The following BRD1 variants were observed in gnomAD, a reference collection of about 807,000 sequenced individuals.
BRD1 encodes bromodomain-containing protein 1.
Under a neutral mutation model 107.7 loss-of-function variants are expected in BRD1, and 24 were observed. The ratio of observed to expected loss-of-function variants is 0.22; its 90% CI spans 0.16 to 0.31. The LOEUF is 0.31. BRD1 is among the 10% of genes least tolerant of loss of function. The pLI is 1.00. For missense variants in BRD1, 1,279 were observed against 1,638.6 expected (o/e 0.78, Z 3.79); for synonymous variants, 744 against 686.1 (o/e 1.08, Z -1.32).
At chr22:49,801,209 A>G (rs935446051) in intron 3 of BRD1, among the ~76,000 whole-genome samples, 2 of 152,234 alleles carry the variant, frequency 1.3e-5, no homozygotes, top group African/African-American at 4.8e-5. Context: ...ACCAGCATAC[A>G]CACAAATCGC....
At chr22:49,807,543 G>A (rs1400938638) in intron 2 of BRD1, among the ~76,000 whole-genome samples, 2 of 152,324 alleles carry the variant, frequency 1.3e-5, no homozygotes, top group Middle Eastern at 6.8e-3. Context: ...GATGGCACCA[G>A]GACAAGTGGA....
At chr22:49,811,337 A>G (rs2059845130) in intron 2 of BRD1, among the ~76,000 whole-genome samples, 1 of 152,114 alleles carries the variant, frequency 6.6e-6, no homozygotes, top group Admixed American at 6.5e-5. Context: ...GTGGTGATAA[A>G]TGCACAACTC....
chr22:49,794,026 T>G lies in BRD1; in HGVS notation c.2359+8A>C. 1 of 1,608,526 alleles carries G rather than the reference T, an allele frequency of 6.2e-7. No homozygotes were observed. The highest frequency in any genetic ancestry group is 8.5e-7 in the Non-Finnish European group (1 of 1,177,202). ...CAAGAAAGCGGGGCAGCCCTCACCG[T>G]GGCTTACCTTCCTCGCCCGCCTCCG... On this transcript the variant is annotated splice_region_variant and intron_variant, in intron 7 of 12. Transcript: ENST00000404760.
intron 12 of BRD1, among the ~76,000 whole-genome samples, chr22:49,774,867 A>C (rs2146892968): frequency 6.6e-6 from 1 of 152,362 alleles, no homozygotes; most frequent in South Asian, 2.1e-4. Context: ...AGGAAGAGAA[A>C]GACGGTAGGG....
Position 49,776,073 on chromosome 22 carries a change from C to T in BRD1, c.3208G>A (p.Gly1070Ser), listed in dbSNP as rs779189233. Residue 1070 changes from glycine (G) to serine (S), a missense_variant, in exon 11 of 13, where the codon GGC becomes AGC. Coordinates refer to ENST00000404760, the MANE Select transcript of BRD1 (RefSeq NM_001304808.3). ...PLKVVWAKCS[G>S]YPSYPALIID... ...ACCAGTGCCGGGTAGGAGGGGTAGC[C>T]GCTGCACTTGGCCCACACCACCTTC... is the stretch of plus-strand genomic sequence containing the variant. 1 of 1,605,846 alleles carries T rather than the reference C, an allele frequency of 6.2e-7. No individual in the cohort carries two copies. Among genetic ancestry groups the T allele is most frequent in the African/African-American group, 1.3e-5 (1 of 74,970 alleles).
intron 8 of BRD1, among the ~76,000 whole-genome samples, chr22:49,778,417 A>C (rs2059141668): frequency 6.6e-6 from 1 of 152,244 alleles, no homozygotes; most frequent in African/African-American, 2.4e-5. Context: ...GTCTGGCCTC[A>C]CTCACCATGA....
At chr22:49,795,448 G>T (rs2059512639) in intron 6 of BRD1, among the ~76,000 whole-genome samples, 1 of 152,200 alleles carries the variant, frequency 6.6e-6, no homozygotes, top group Admixed American at 6.5e-5. Context: ...AAAAAAACCC[G>T]GGTGTAGAAA....
intron 3 of BRD1, among the ~76,000 whole-genome samples, chr22:49,799,467 A>G (rs1224655968): frequency 1.3e-5 from 2 of 152,244 alleles, no homozygotes; most frequent in African/African-American, 2.4e-5. Flanking sequence ...AGGCGGGGCC[A>G]GGACAGAATG....
At chr22:49,813,744 G>A (rs976777500) in intron 2 of BRD1, among the ~76,000 whole-genome samples, 17 of 151,794 alleles carry the variant, frequency 1.1e-4, no homozygotes, top group Non-Finnish European at 1.5e-4. Flanking sequence ...AGGCAGAATC[G>A]CTTGAGCCCA....
rs1481342520 is a variant in BRD1 at position 49,827,688 on chromosome 22, C to A, written c.-206G>T. Reference sequence around the variant, plus strand: ...CCCGGCAGCGGCGGCCGCGGACTCTCGGGCAGCGGCTCGCGCGGCGCGGGC... The same window carrying A: ...CCCGGCAGCGGCGGCCGCGGACTCTAGGGCAGCGGCTCGCGCGGCGCGGGC... On this transcript the variant is annotated 5_prime_UTR_variant, in exon 1 of 13. Transcript: ENST00000404760. Among the ~76,000 whole-genome samples the A allele has an allele frequency of 6.9e-6, 1 of 144,976 alleles. No individual in the cohort carries two copies. Among genetic ancestry groups the A allele is most frequent in the Non-Finnish European group, 1.5e-5 (1 of 65,402 alleles).
chr22:49,816,207 G>A (rs9628141), intron 2 of BRD1, among the ~76,000 whole-genome samples: 11,629 of 152,298 alleles, frequency 0.076, 1,231 homozygotes, highest in African/African-American at 0.24. Context: ...AAAGGGGGCC[G>A]CGGCCGGTGG....
chr22:49,775,554 C>T (rs1332512572), intron 12 of BRD1, 37 bp downstream of exon 12: 1 of 1,406,594 alleles, frequency 7.1e-7, no homozygotes, highest in Non-Finnish European at 9.3e-7. Flanking sequence ...CCCAACCACC[C>T]CAGCCGGTCC....
chr22:49,808,692 G>T (rs2059791487), intron 2 of BRD1, among the ~76,000 whole-genome samples: 1 of 152,210 alleles, frequency 6.6e-6, no homozygotes, highest in African/African-American at 2.4e-5. Flanking sequence ...TATGTTATGT[G>T]TACGTGACCA....
chr22:49,821,822 T>C (rs2060072329), intron 2 of BRD1, among the ~76,000 whole-genome samples: 3 of 152,160 alleles, frequency 2.0e-5, no homozygotes, highest in Admixed American at 6.5e-5. Flanking sequence ...GTCTGTGTGG[T>C]ACTGGGGCTC....
intron 5 of BRD1, 123 bp from the exon 6 acceptor site, chr22:49,798,240 A>G (rs2059571824): frequency 1.9e-6 from 2 of 1,067,108 alleles, no homozygotes; most frequent in African/African-American, 1.6e-5. Context: ...AGACACGCAG[A>G]CGGTACAGAC....
At position 49,797,789 on chromosome 22, in the gene BRD1, C is replaced by T. The variant is rs771787557; in HGVS notation, c.2098+16G>A. On this transcript the variant is annotated intron_variant, in intron 6 of 12. Coordinates refer to ENST00000404760, the MANE Select transcript of BRD1 (RefSeq NM_001304808.3). ...GAGCGTCTTCCACCTCCTCCGGACA[C>T]GGCGCCAGTTCTTACCGTCTTCCCA... The T allele has an allele frequency of 8.3e-6, 13 of 1,571,440 alleles. No individual in the cohort carries two copies. Among genetic ancestry groups the T allele is most frequent in the Admixed American group, 5.3e-5 (3 of 56,326 alleles).
intron 8 of BRD1, among the ~76,000 whole-genome samples, chr22:49,779,800 G>C (rs913448094): frequency 6.6e-6 from 1 of 151,914 alleles, no homozygotes; most frequent in African/African-American, 2.4e-5. Context: ...AACCTGAGTG[G>C]GTGAAGGCAA....
intron 2 of BRD1, among the ~76,000 whole-genome samples, chr22:49,819,104 A>T (rs551261771): frequency 3.9e-4 from 59 of 151,596 alleles, no homozygotes; most frequent in African/African-American, 1.4e-3. Flanking sequence ...CAAAAAAAAT[A>T]CAAAAATTAG....
rs760612468 is a variant in BRD1 at position 49,823,401 on chromosome 22, G to A, written c.917C>T (p.Thr306Met). 2.5e-6 allele frequency: 4 copies of A among 1,613,184 alleles called. No individual in the cohort carries two copies. Among genetic ancestry groups the A allele is most frequent in the Non-Finnish European group, 3.4e-6 (4 of 1,180,030 alleles). ...CCCATCGATGGGCTCGATGAACACC[G>A]TGTTGGCAAAGCCGACCTCTGGGAT... Reference protein sequence around the residue: ...LWIPEVGFANTVFIEPIDGVR... With the variant: ...LWIPEVGFANMVFIEPIDGVR... Residue 306 changes from threonine to methionine, a missense_variant, in exon 2 of 13, where the codon ACG (threonine) becomes ATG (methionine). Thr to Met is a moderately conservative substitution (Grantham distance 81). This residue lies in a region of BRD1 where 158 missense variants were observed against 310.2 expected (regional missense o/e 0.51). Transcript: ENST00000404760.
Sources: gnomAD v4.1 joint callset for allele counts (sites outside exome capture counted in the v4.1 genomes callset) on GRCh38, gnomAD v4.1.1 for gene constraint, gnomAD v4.1.1 regional missense constraint, MANE v1.5 for transcripts, NCBI Gene and HGNC (gene_info 2026-07-23, HGNC 2026-07-21) for gene names.